The following DCC variants were observed in gnomAD, a reference collection of about 807,000 sequenced individuals.
DCC encodes netrin receptor DCC.
DCC carries 58 observed loss-of-function variants against 172.5 expected under a neutral mutation model. The ratio of observed to expected loss-of-function variants is 0.34; its 90% CI spans 0.27 to 0.42. DCC has a LOEUF of 0.42. Among genes scored for constraint, DCC ranks in the 10% least tolerant of loss-of-function variants. DCC has a pLI of 1.00. For missense variants in DCC, 1,740 were observed against 1,791.0 expected (o/e 0.97, Z 0.51); for synonymous variants, 709 against 644.5 (o/e 1.10, Z -1.52).
At chr18:52,919,635 CT>C (rs11309864) in intron 3 of DCC, among the ~76,000 whole-genome samples, 57,982 of 148,400 alleles carry the variant, frequency 0.39, 11,625 homozygotes, top group Non-Finnish European at 0.46. Flanking sequence ...GTCGATGGTT[CT>C]TTTTTTTTTT....
chr18:53,345,970 A>G (rs529911681), intron 15 of DCC, among the ~76,000 whole-genome samples: 27 of 151,230 alleles, frequency 1.8e-4, no homozygotes, highest in African/African-American at 6.6e-4. Context: ...GATTATTTGA[A>G]TTTTTTTGTT....
At chr18:52,664,675 G>T (rs867528187) in intron 1 of DCC, among the ~76,000 whole-genome samples, 6 of 151,798 alleles carry the variant, frequency 4.0e-5, no homozygotes, top group Middle Eastern at 3.4e-3. Context: ...GTTTCACCGT[G>T]TTAGCCAGGA....
chr18:52,691,002 A>G (rs1313024812), intron 1 of DCC, among the ~76,000 whole-genome samples: 1 of 152,158 alleles, frequency 6.6e-6, no homozygotes, highest in African/African-American at 2.4e-5. Context: ...TAGTCATATT[A>G]TTAATAGCAA....
chr18:52,831,194 T>A (rs567073228), intron 2 of DCC, among the ~76,000 whole-genome samples: 1 of 152,288 alleles, frequency 6.6e-6, no homozygotes, highest in East Asian at 1.9e-4. Flanking sequence ...ACGGTCATTT[T>A]CAAAGCATAG....
At chr18:53,437,659 C>T (rs1195584828) in intron 22 of DCC, among the ~76,000 whole-genome samples, 1 of 149,732 alleles carries the variant, frequency 6.7e-6, no homozygotes, top group Non-Finnish European at 1.5e-5. Flanking sequence ...AAACAGACCC[C>T]AGGCCATGCT....
At chr18:53,428,940 A>G (rs1305225218) in intron 21 of DCC, among the ~76,000 whole-genome samples, 2 of 65,366 alleles carry the variant, frequency 3.1e-5, no homozygotes, top group African/African-American at 1.0e-4. Context: ...TATATATAAT[A>G]AATTATATAT....
At chr18:53,370,800 A>C (rs1038321470) in intron 15 of DCC, among the ~76,000 whole-genome samples, 3 of 151,864 alleles carry the variant, frequency 2.0e-5, no homozygotes, top group Non-Finnish European at 4.4e-5. Flanking sequence ...GAAAATGGGA[A>C]GAATGTGTAT....
At chr18:53,329,659 A>G (rs760931748) in intron 14 of DCC, among the ~76,000 whole-genome samples, 2 of 152,304 alleles carry the variant, frequency 1.3e-5, no homozygotes, top group African/African-American at 4.8e-5. Flanking sequence ...TCATTATTAC[A>G]TTAGTTATTT....
At chr18:53,257,135 A>T (rs1216918147) in intron 12 of DCC, among the ~76,000 whole-genome samples, 1 of 152,150 alleles carries the variant, frequency 6.6e-6, no homozygotes, top group Non-Finnish European at 1.5e-5. Flanking sequence ...GGTTTTCTAG[A>T]TGTACAATCA....
At chr18:52,783,873 ATG>A (rs959846243) in intron 2 of DCC, among the ~76,000 whole-genome samples, 2 of 152,058 alleles carry the variant, frequency 1.3e-5, no homozygotes, top group African/African-American at 4.8e-5. Context: ...TATTTATACA[ATG>A]TGGAGGAATG....
intron 1 of DCC, chr18:52,419,257 A>G (rs1987163147): frequency 6.6e-6 from 1 of 152,160 alleles, no homozygotes; most frequent in Non-Finnish European, 1.5e-5. Flanking sequence ...AGGGTGTTGG[A>G]GAGTCCAGTG....
chr18:53,099,939 C>CTTTTTTTTTTTTTTTT lies in DCC; in HGVS notation c.1261+33776_1261+33777insTTTTTTTTTTTTTTTT, dbSNP rs200213348. 5.9e-4 allele frequency among the ~76,000 whole-genome samples: 51 copies of CTTTTTTTTTTTTTTTT among 87,172 alleles called. 7 individuals are homozygous for CTTTTTTTTTTTTTTTT. Among genetic ancestry groups the CTTTTTTTTTTTTTTTT allele is most frequent in the African/African-American group, 1.6e-3 (30 of 18,838 alleles). The allele number at this position is 87,172 out of a possible 152,430, so 57.2% of individuals were successfully genotyped here. On this transcript the variant is annotated intron_variant, in intron 7 of 28. Coordinates refer to ENST00000442544, the MANE Select transcript of DCC (RefSeq NM_005215.4). ...AAGAGACTTTTCTTTTCTTTTCTTT[C>CTTTTTTTTTTTTTTTT]TTTCTTTTTTTTTTTTTTTTTGTTT...
intron 3 of DCC, among the ~76,000 whole-genome samples, chr18:52,921,759 A>G (rs1168164394): frequency 2.0e-5 from 3 of 151,174 alleles, no homozygotes; most frequent in Non-Finnish European, 2.9e-5. Flanking sequence ...TGTCCCTTCC[A>G]TGGGTAAATT....
At chr18:52,851,046 A>G (rs2038968250) in intron 2 of DCC, among the ~76,000 whole-genome samples, 1 of 152,128 alleles carries the variant, frequency 6.6e-6, no homozygotes, top group Admixed American at 6.6e-5. Flanking sequence ...ATTGCTAAAA[A>G]GTCAGTAAGT....
chr18:52,821,201 T>G (rs1182565318), intron 2 of DCC, among the ~76,000 whole-genome samples: 3 of 152,198 alleles, frequency 2.0e-5, no homozygotes, highest in Non-Finnish European at 4.4e-5. Flanking sequence ...CTATCCTATC[T>G]GCATCTATGC....
chr18:53,442,976 C>G (rs1301898817), intron 22 of DCC, among the ~76,000 whole-genome samples: 1 of 152,142 alleles, frequency 6.6e-6, no homozygotes, highest in Non-Finnish European at 1.5e-5. Context: ...GAAGTTGATT[C>G]ATGTGGTTTA....
chr18:53,084,853 T>C (rs1045141204), intron 7 of DCC, among the ~76,000 whole-genome samples: 2 of 152,236 alleles, frequency 1.3e-5, no homozygotes, highest in African/African-American at 4.8e-5. Context: ...ATTCTTCCAC[T>C]AATTTTGCAT....
At chr18:53,112,808 T>C (rs1384620433) in intron 7 of DCC, among the ~76,000 whole-genome samples, 1 of 151,554 alleles carries the variant, frequency 6.6e-6, no homozygotes, top group Non-Finnish European at 1.5e-5. Context: ...GGCCACAGAA[T>C]ATGGTGAAGT....
chr18:52,507,743 G>A (rs2031283563), intron 1 of DCC, among the ~76,000 whole-genome samples: 1 of 152,120 alleles, frequency 6.6e-6, no homozygotes, highest in African/African-American at 2.4e-5. Flanking sequence ...AATCCTCAGA[G>A]CATCTTTTGG....
Sources: gnomAD v4.1 joint callset for allele counts (sites outside exome capture counted in the v4.1 genomes callset) on GRCh38, gnomAD v4.1.1 for gene constraint, MANE v1.5 for transcripts, NCBI Gene and HGNC (gene_info 2026-07-23, HGNC 2026-07-21) for gene names.